ERAP1: variants seen among roughly 807,000 people sequenced by gnomAD.
The protein encoded by ERAP1 is adipocyte-derived leucine aminopeptidase.
ERAP1 carries 86 observed loss-of-function variants against 103.7 expected under a neutral mutation model. The ratio of observed to expected loss-of-function variants is 0.83; its 90% CI spans 0.70 to 0.99. The LOEUF is 0.99. Among genes scored for constraint, ERAP1 ranks in the 50% least tolerant of loss-of-function variants. The pLI is 0.00. For missense variants in ERAP1, 1,009 were observed against 1,128.4 expected (o/e 0.89, Z 1.52); for synonymous variants, 398 against 402.4 (o/e 0.99, Z 0.13).
the ERAP1 span, among the ~76,000 whole-genome samples, chr5:96,882,836 C>G: frequency 6.6e-6 from 1 of 152,178 alleles, no homozygotes; most frequent in Non-Finnish European, 1.5e-5. Context: ...AATATCCTGA[C>G]AGCTTCTCTT....
At chr5:96,836,651 C>A in the ERAP1 span, among the ~76,000 whole-genome samples, 1 of 152,208 alleles carries the variant, frequency 6.6e-6, no homozygotes. Flanking sequence ...AAACTCATTT[C>A]ATCCCCAACC....
At chr5:96,763,377 T>C in intron 19 of ERAP1, 1 of 701,232 alleles carries the variant, frequency 1.4e-6, no homozygotes, top group Non-Finnish European at 2.6e-6. Flanking sequence ...TGTGCATGTG[T>C]GTATGTAAAC....
the ERAP1 span, among the ~76,000 whole-genome samples, chr5:96,860,322 G>A: frequency 6.6e-6 from 1 of 152,106 alleles, no homozygotes; most frequent in Admixed American, 6.5e-5. Flanking sequence ...CCAAAGTGCT[G>A]GGATTACAAG....
chr5:96,805,096 G>A (rs1055220537), intron 1 of ERAP1, among the ~76,000 whole-genome samples: 16 of 149,728 alleles, frequency 1.1e-4, no homozygotes, highest in African/African-American at 3.6e-4. Context: ...GCAAGTGATT[G>A]GCCCAAACTC....
exon 20 of ERAP1, chr5:96,762,734 C>A: frequency 4.0e-6 from 1 of 249,850 alleles, no homozygotes; most frequent in Non-Finnish European, 7.6e-6. Context: ...TTTTCTTATA[C>A]ATTCTATAAT....
chr5:96,781,965 G>T, intron 15 of ERAP1, 111 bp from the exon 16 acceptor site: 1 of 1,048,416 alleles, frequency 9.5e-7, no homozygotes, highest in Non-Finnish European at 1.4e-6. Flanking sequence ...AGAGAAGCAT[G>T]CCTGGAAATA....
chr5:96,914,590 A>C, the ERAP1 span, among the ~76,000 whole-genome samples: 1 of 152,258 alleles, frequency 6.6e-6, no homozygotes, highest in Non-Finnish European at 1.5e-5. Context: ...TAAACAGGAA[A>C]TGATGCCCCT....
At chr5:96,786,052 A>G (rs896870212) in intron 12 of ERAP1, 81 bp from the exon 13 acceptor site, 4 of 1,370,990 alleles carry the variant, frequency 2.9e-6, no homozygotes, top group Admixed American at 1.8e-5. Flanking sequence ...TGGGCAAGGA[A>G]ATTAGAGAAG....
chr5:96,906,698 G>GAA, the ERAP1 span, among the ~76,000 whole-genome samples: 1 of 152,126 alleles, frequency 6.6e-6, no homozygotes, highest in African/African-American at 2.4e-5. Context: ...TTTGCCTATA[G>GAA]AAAAAGCTAT....
At chr5:96,813,650 C>CAAAAAAAAAAAAAAAAAA in the ERAP1 span, among the ~76,000 whole-genome samples, 2 of 55,166 alleles carry the variant, frequency 3.6e-5, 1 homozygote, top group African/African-American at 1.4e-4. Context: ...AGACTCATCT[C>CAAAAAAAAAAAAAAAAAA]AAAAAAAAAA....
chr5:96,773,964 C>G (rs981079147), downstream of ERAP1: 1 of 152,162 alleles, frequency 6.6e-6, no homozygotes, highest in African/African-American at 2.4e-5. Context: ...AACCTCCCCC[C>G]CAAATACTCT....
intron 4 of ERAP1, 60 bp from the exon 5 acceptor site, chr5:96,795,222 G>A: frequency 6.2e-7 from 1 of 1,600,636 alleles, no homozygotes; most frequent in Middle Eastern, 1.7e-4. Context: ...TCCCCACATT[G>A]TGTAGAAGAC....
At chr5:96,766,641 G>A (rs1045513183) in intron 19 of ERAP1, among the ~76,000 whole-genome samples, 4 of 152,130 alleles carry the variant, frequency 2.6e-5, no homozygotes, top group Admixed American at 6.6e-5. Context: ...CACAAATCCT[G>A]TTTCTCTGCC....
the ERAP1 span, among the ~76,000 whole-genome samples, chr5:96,886,052 A>G: frequency 5.3e-5 from 8 of 152,374 alleles, no homozygotes; most frequent in South Asian, 1.7e-3. Flanking sequence ...AATGAGCATC[A>G]TCTTTGGAGT....
chr5:96,793,439 C>T lies in ERAP1; in HGVS notation c.1149G>A (p.Glu383=). 1.2e-6 allele frequency: 2 copies of T among 1,613,898 alleles called. No homozygotes were observed. Among genetic ancestry groups the T allele is most frequent in the South Asian group, 1.1e-5 (1 of 91,072 alleles). Residue 383 remains glutamate (E), a synonymous_variant, in exon 7 of 19, where the codon GAG becomes GAA. Coordinates refer to ENST00000443439, the MANE Select transcript of ERAP1 (RefSeq NM_001040458.3). ...WLNEGFAKFM[E]FVSVSVTHPE... The stretch of plus-strand genomic sequence containing the variant: ...GATGGGTCACACTGACAGACACAAA[C>T]TCCATAAATTTGGCAAATCCTTCAT...
rs145458413 is a variant in ERAP1 at position 96,792,163 on chromosome 5, G to A, written c.1218C>T (p.Asp406=). Residue 406 remains aspartate (D), a synonymous_variant, in exon 8 of 19, where the codon GAC becomes GAT. Coordinates refer to ENST00000443439, the MANE Select transcript of ERAP1 (RefSeq NM_001040458.3). ...AATTTAAAGCATCTACCTCCATTGC[G>A]TCAAAACATTTGCCAAAGAAATAAT... ...VGDYFFGKCF[D]AMEVDALNSS... is the part of the protein sequence containing the mutation. The A allele has an allele frequency of 5.0e-4, 808 of 1,613,580 alleles. 2 individuals are homozygous for A. In the East Asian group the frequency reaches 8.8e-3, roughly 18 times the overall value.
At chr5:96,769,089 A>C (rs1771163422) in intron 19 of ERAP1, 1 of 152,204 alleles carries the variant, frequency 6.6e-6, no homozygotes, top group Admixed American at 6.5e-5. Context: ...TGTAAATCAA[A>C]TAGAAGGAAA....
the ERAP1 span, among the ~76,000 whole-genome samples, chr5:96,874,146 G>GAAAGA: frequency 3.0e-5 from 3 of 101,674 alleles, no homozygotes; most frequent in East Asian, 9.4e-4. Flanking sequence ...GAGAAAGAAA[G>GAAAGA]AAAGAAAGAA....
the ERAP1 span, chr5:96,879,856 T>C: frequency 1.2e-6 from 2 of 1,614,224 alleles, no homozygotes; most frequent in Non-Finnish European, 1.7e-6. Flanking sequence ...CAGTAGCCAC[T>C]AATGGGGAAC....
Sources: gnomAD v4.1 joint callset for allele counts (sites outside exome capture counted in the v4.1 genomes callset) on GRCh38, gnomAD v4.1.1 for gene constraint, MANE v1.5 for transcripts, NCBI Gene and HGNC (gene_info 2026-07-23, HGNC 2026-07-21) for gene names.